The following ITFG1 variants were observed in gnomAD, a reference collection of about 807,000 sequenced individuals.
The protein encoded by ITFG1 is T-cell immunomodulatory protein.
Under a neutral mutation model 81.8 loss-of-function variants are expected in ITFG1, and 34 were observed. That is an observed-to-expected ratio of 0.42 (90% CI 0.32 to 0.55). The LOEUF (loss-of-function observed/expected upper bound fraction) is 0.55, where lower values mean the gene tolerates loss of function less well. Among genes scored for constraint, ITFG1 ranks in the 20% least tolerant of loss-of-function variants. The pLI is 0.17. For missense variants in ITFG1, 672 were observed against 755.4 expected (o/e 0.89, Z 1.29); for synonymous variants, 285 against 270.6 (o/e 1.05, Z -0.52).
At chr16:47,367,449 T>C (rs999614062) in intron 7 of ITFG1, among the ~76,000 whole-genome samples, 1 of 152,224 alleles carries the variant, frequency 6.6e-6, no homozygotes. Context: ...AGTCACATTC[T>C]GAAGTTATTT....
chr16:47,315,513 G>T (rs927664292), intron 8 of ITFG1, among the ~76,000 whole-genome samples: 8 of 151,996 alleles, frequency 5.3e-5, no homozygotes, highest in African/African-American at 1.7e-4. Context: ...GCTCATATTA[G>T]AATCTTATTC....
chr16:47,354,158 C>G (rs1295902966), intron 8 of ITFG1, among the ~76,000 whole-genome samples: 3 of 152,092 alleles, frequency 2.0e-5, no homozygotes, highest in Admixed American at 1.3e-4. Context: ...AAACATACTA[C>G]AAAGCTATGG....
intron 14 of ITFG1, among the ~76,000 whole-genome samples, chr16:47,167,628 C>T (rs1007725775): frequency 6.6e-6 from 1 of 152,164 alleles, no homozygotes; most frequent in Admixed American, 6.5e-5. Flanking sequence ...AACGGCCCCA[C>T]CCTTATCTCC....
intron 10 of ITFG1, among the ~76,000 whole-genome samples, chr16:47,286,632 C>G (rs1966870691): frequency 6.6e-6 from 1 of 150,964 alleles, no homozygotes; most frequent in African/African-American, 2.4e-5. Flanking sequence ...AAGAGTGAAA[C>G]CCTGCCTCAA....
intron 13 of ITFG1, among the ~76,000 whole-genome samples, chr16:47,222,533 C>T (rs1187846633): frequency 6.6e-6 from 1 of 151,960 alleles, no homozygotes; most frequent in Non-Finnish European, 1.5e-5. Context: ...CCTGCCTCAG[C>T]CTCCCGAGTA....
intron 5 of ITFG1, among the ~76,000 whole-genome samples, chr16:47,441,223 G>T (rs1969245077): frequency 6.6e-6 from 1 of 152,146 alleles, no homozygotes; most frequent in Non-Finnish European, 1.5e-5. Flanking sequence ...GGACCAGATG[G>T]ATTCACAGCC....
intron 14 of ITFG1, among the ~76,000 whole-genome samples, chr16:47,179,381 G>C (rs889210228): frequency 6.6e-6 from 1 of 152,110 alleles, no homozygotes; most frequent in African/African-American, 2.4e-5. Flanking sequence ...TATACACCAT[G>C]GAATACTATG....
intron 14 of ITFG1, among the ~76,000 whole-genome samples, chr16:47,216,763 G>C (rs1244192989): frequency 6.6e-6 from 1 of 151,836 alleles, no homozygotes; most frequent in East Asian, 1.9e-4. Flanking sequence ...CCAGGTCCAA[G>C]TGATTCTCAT....
chr16:47,158,333 A>C (rs1280169186), intron 17 of ITFG1, among the ~76,000 whole-genome samples: 1 of 152,100 alleles, frequency 6.6e-6, no homozygotes, highest in Non-Finnish European at 1.5e-5. Context: ...GAGCTCCAGC[A>C]ATCTGTCCAC....
At chr16:47,409,406 T>TATATATATATATATA (rs59928420) in intron 6 of ITFG1, among the ~76,000 whole-genome samples, 1 of 11,732 alleles carries the variant, frequency 8.5e-5, no homozygotes, top group African/African-American at 2.9e-4. Flanking sequence ...ATATATATAT[T>TATATATATATATATA]TTTTTTTTTT....
At chr16:47,437,423 G>A (rs1269965321) in intron 5 of ITFG1, among the ~76,000 whole-genome samples, 1 of 148,928 alleles carries the variant, frequency 6.7e-6, no homozygotes, top group Non-Finnish European at 1.5e-5. Flanking sequence ...AGCTATGATC[G>A]TACCACTGCA....
At chr16:47,361,628 G>A (rs112090656) in intron 8 of ITFG1, among the ~76,000 whole-genome samples, 1 of 152,156 alleles carries the variant, frequency 6.6e-6, no homozygotes, top group African/African-American at 2.4e-5. Flanking sequence ...ATGAGACCAG[G>A]GCCCAGAACC....
At chr16:47,305,447 G>A (rs894097179) in intron 10 of ITFG1, among the ~76,000 whole-genome samples, 2 of 151,976 alleles carry the variant, frequency 1.3e-5, no homozygotes, top group Non-Finnish European at 2.9e-5. Flanking sequence ...GACAAGGAGG[G>A]CAGACCTACA....
chr16:47,460,039 C>A (rs1190073320), intron 1 of ITFG1, among the ~76,000 whole-genome samples: 1 of 152,206 alleles, frequency 6.6e-6, no homozygotes, highest in Non-Finnish European at 1.5e-5. Context: ...CTAATGCCCA[C>A]TGTCAGCATC....
At chr16:47,440,395 A>T (rs1436856522) in intron 5 of ITFG1, among the ~76,000 whole-genome samples, 1 of 152,252 alleles carries the variant, frequency 6.6e-6, no homozygotes, top group South Asian at 2.1e-4. Flanking sequence ...TCTTTTCAGC[A>T]TCACACCACA....
intron 14 of ITFG1, among the ~76,000 whole-genome samples, chr16:47,181,341 G>A (rs1375654988): frequency 2.7e-4 from 41 of 149,522 alleles, no homozygotes; most frequent in African/African-American, 8.9e-4. Context: ...CGCCCCGTCC[G>A]GGAGGGAGGT....
At chr16:47,395,869 A>G (rs1282236338) in intron 6 of ITFG1, among the ~76,000 whole-genome samples, 1 of 152,224 alleles carries the variant, frequency 6.6e-6, no homozygotes, top group African/African-American at 2.4e-5. Flanking sequence ...CCTCATGTCT[A>G]TCGTCAGCAG....
intron 5 of ITFG1, among the ~76,000 whole-genome samples, chr16:47,442,967 C>A (rs903586412): frequency 6.6e-6 from 1 of 152,108 alleles, no homozygotes; most frequent in East Asian, 1.9e-4. Context: ...AACAGGCAAC[C>A]TACAGAATGG....
intron 7 of ITFG1, among the ~76,000 whole-genome samples, chr16:47,368,278 A>G (rs1036257786): frequency 4.1e-5 from 6 of 148,024 alleles, no homozygotes; most frequent in African/African-American, 7.5e-5. Context: ...TTGGCCGGGC[A>G]TGGTGGCTCA....
Sources: allele counts gnomAD v4.1 joint callset (sites outside exome capture counted in the v4.1 genomes callset), GRCh38; gene constraint gnomAD v4.1.1; transcripts MANE v1.5; gene names NCBI Gene and HGNC (gene_info 2026-07-23, HGNC 2026-07-21).